The following CTNNA2 variants were observed in gnomAD, a reference collection of about 807,000 sequenced individuals.
CTNNA2 encodes the protein catenin alpha 2.
A neutral mutation model predicts 101.0 loss-of-function variants in CTNNA2; 42 were observed. The ratio of observed to expected loss-of-function variants is 0.42; its 90% CI spans 0.32 to 0.54. The LOEUF is 0.54. CTNNA2 is among the 20% of genes least tolerant of loss of function. CTNNA2 has a pLI of 0.14. For synonymous variants in CTNNA2, 450 were observed against 456.4 expected (o/e 0.99, Z 0.18); for missense variants, 871 against 1,223.1 (o/e 0.71, Z 4.29).
chr2:79,658,851 C>T (rs900592171), intron 2 of CTNNA2, among the ~76,000 whole-genome samples: 1 of 151,862 alleles, frequency 6.6e-6, no homozygotes, highest in African/African-American at 2.4e-5. Context: ...GAGCAATGTT[C>T]GTGGGGCCCT....
chr2:79,522,166 C>G (rs766559456), intron 1 of CTNNA2, among the ~76,000 whole-genome samples: 2 of 152,178 alleles, frequency 1.3e-5, no homozygotes, highest in Non-Finnish European at 2.9e-5. Flanking sequence ...AGGATAGGAG[C>G]CGCACCTTCC....
intron 9 of CTNNA2, among the ~76,000 whole-genome samples, chr2:80,519,600 C>T (rs1453403660): frequency 2.0e-5 from 3 of 152,218 alleles, no homozygotes; most frequent in African/African-American, 7.2e-5. Context: ...AATAATAGGT[C>T]AGAACTAATT....
chr2:80,490,502 GA>G (rs1362105036), intron 9 of CTNNA2, among the ~76,000 whole-genome samples: 1 of 151,930 alleles, frequency 6.6e-6, no homozygotes, highest in Non-Finnish European at 1.5e-5. Flanking sequence ...CTACTCTTTA[GA>G]TTTTTTTTAA....
chr2:80,519,414 C>T (rs1373105559), intron 9 of CTNNA2, among the ~76,000 whole-genome samples: 2 of 152,132 alleles, frequency 1.3e-5, no homozygotes, highest in African/African-American at 2.4e-5. Flanking sequence ...CACTAATGAA[C>T]AGAGAGAGCA....
intron 3 of CTNNA2, among the ~76,000 whole-genome samples, chr2:79,780,078 T>G (rs1674308465): frequency 6.6e-6 from 1 of 152,200 alleles, no homozygotes. Context: ...CAGACAGTCC[T>G]TTCTATTGGT....
In CTNNA2 at chr2:80,281,732, A is replaced by G. The variant is rs143710911; in HGVS notation, c.1057-111479A>G. Among the ~76,000 whole-genome samples, 19 of 152,216 alleles carry G rather than the reference A, an allele frequency of 1.2e-4. No individual in the cohort carries two copies. In the East Asian group the frequency reaches 3.5e-3, roughly 28 times the overall value. On this transcript the variant is annotated intron_variant, in intron 7 of 18. Coordinates refer to ENST00000402739, the MANE Select transcript of CTNNA2 (RefSeq NM_001282597.3). Reference sequence around the variant, plus strand: ...ATTTTGCAGTTGTATAGTTAATTATAGTTTAAAAATTACTATTAATGAAAT... The same window carrying G: ...ATTTTGCAGTTGTATAGTTAATTATGGTTTAAAAATTACTATTAATGAAAT...
intron 7 of CTNNA2, among the ~76,000 whole-genome samples, chr2:80,360,605 C>T (rs554089627): frequency 6.6e-6 from 1 of 152,200 alleles, no homozygotes; most frequent in South Asian, 2.1e-4. Context: ...TTTATTAAAA[C>T]TGTCCTGATA....
At chr2:79,342,762 AT>A (rs1291239066) in intron 3 of CTNNA2, among the ~76,000 whole-genome samples, 4 of 152,188 alleles carry the variant, frequency 2.6e-5, no homozygotes, top group African/African-American at 9.7e-5. Context: ...TACTCTTGGG[AT>A]GCAAATTTAC....
intron 1 of CTNNA2, among the ~76,000 whole-genome samples, chr2:79,197,461 A>G (rs1572974183): frequency 6.6e-6 from 1 of 152,228 alleles, no homozygotes; most frequent in Admixed American, 6.5e-5. Flanking sequence ...CTCTGGGCCA[A>G]TTGCTACAGA....
At chr2:79,930,268 AAGAAAGAAAGAGAG>A (rs1687306104) in intron 7 of CTNNA2, among the ~76,000 whole-genome samples, 7 of 9,434 alleles carry the variant, frequency 7.4e-4, no homozygotes, top group Non-Finnish European at 2.9e-3. Flanking sequence ...GAAAGAAAGA[AAGAAAGAAAGAGAG>A]AGAGAGAGAA....
chr2:79,820,171 C>T (rs1473120539), intron 3 of CTNNA2, among the ~76,000 whole-genome samples: 1 of 152,148 alleles, frequency 6.6e-6, no homozygotes, highest in African/African-American at 2.4e-5. Flanking sequence ...TTATCTATAA[C>T]TTACAGTAAT....
At chr2:80,265,260 C>G (rs1672918997) in intron 7 of CTNNA2, among the ~76,000 whole-genome samples, 1 of 152,126 alleles carries the variant, frequency 6.6e-6, no homozygotes, top group South Asian at 2.1e-4. Context: ...CAGGCGTGAG[C>G]CACTCCTCCC....
Position 79,334,782 on chromosome 2 carries a change from G to A in CTNNA2, c.-318+21986G>A, listed in dbSNP as rs114166968. Reference sequence around the variant, plus strand: ...ATAATGCAAATCATTGCACCCTTCTGTCCTTCAAGTTTTGGAGGTCATTTA... The same window carrying A: ...ATAATGCAAATCATTGCACCCTTCTATCCTTCAAGTTTTGGAGGTCATTTA... On this transcript the variant is annotated intron_variant, in intron 3 of 21. Coordinates refer to the CTNNA2 transcript ENST00000466387. Among the ~76,000 whole-genome samples, 451 of 152,226 alleles carry A rather than the reference G, an allele frequency of 3.0e-3. 1 individual carries two copies. The highest frequency in any genetic ancestry group is 0.01 in the African/African-American group (422 of 41,542).
At chr2:80,131,777 G>C (rs182128711) in intron 7 of CTNNA2, among the ~76,000 whole-genome samples, 12 of 152,172 alleles carry the variant, frequency 7.9e-5, no homozygotes, top group Admixed American at 7.9e-4. Flanking sequence ...CAGGTGTCTT[G>C]TGTAGGTTAT....
At chr2:80,357,943 T>C (rs539485585) in intron 7 of CTNNA2, among the ~76,000 whole-genome samples, 1 of 152,260 alleles carries the variant, frequency 6.6e-6, no homozygotes, top group African/African-American at 2.4e-5. Flanking sequence ...GAGGTGGCGC[T>C]TATCTTTGCA....
chr2:79,815,660 T>C (rs1411969595), intron 3 of CTNNA2, among the ~76,000 whole-genome samples: 2 of 152,210 alleles, frequency 1.3e-5, no homozygotes, highest in Non-Finnish European at 2.9e-5. Flanking sequence ...TTGGTGACAA[T>C]GGCCTTATAG....
chr2:80,303,869 G>A lies in CTNNA2; in HGVS notation c.1057-89342G>A. The A allele has an allele frequency of 6.8e-7, 1 of 1,475,092 alleles. No homozygotes were observed. Among genetic ancestry groups the A allele is most frequent in the Non-Finnish European group, 9.0e-7 (1 of 1,111,800 alleles). The allele number at this position is 1,475,092 out of a possible 1,614,324, so 91.4% of individuals were successfully genotyped here. On this transcript the variant is annotated intron_variant, in intron 7 of 18. Transcript: ENST00000402739. This position sits in a 1 kb window ranked among gnomAD's most constrained non-coding sequence, Gnocchi z 7.7. ...TGGAGAATGTCCATTGGAAGCGCTC[G>A]GTCAGAAATCTACATCATATTTTAT...
At chr2:79,244,617 C>T (rs1674675343) in intron 2 of CTNNA2, among the ~76,000 whole-genome samples, 1 of 152,104 alleles carries the variant, frequency 6.6e-6, no homozygotes. Flanking sequence ...TTCATGCAAA[C>T]CCATCACTTT....
chr2:80,399,779 G>C (rs959568196), intron 8 of CTNNA2, among the ~76,000 whole-genome samples: 1 of 152,104 alleles, frequency 6.6e-6, no homozygotes, highest in African/African-American at 2.4e-5. Flanking sequence ...CTGATCCTGA[G>C]ACTGGAAGAT....
Sources: gnomAD v4.1 joint callset for allele counts (sites outside exome capture counted in the v4.1 genomes callset) on GRCh38, gnomAD v4.1.1 for gene constraint, Gnocchi (gnomAD v3.1) non-coding constraint, MANE v1.5 for transcripts, NCBI Gene and HGNC (gene_info 2026-07-23, HGNC 2026-07-21) for gene names.